PDZRN3: variants seen among roughly 807,000 people sequenced by gnomAD.
PDZRN3 encodes the protein PDZ domain containing ring finger 3.
A neutral mutation model predicts 85.7 loss-of-function variants in PDZRN3; 38 were observed. The ratio of observed to expected loss-of-function variants is 0.44; its 90% CI spans 0.34 to 0.58. PDZRN3 has a LOEUF of 0.58. Ranked by LOEUF, PDZRN3 falls within the 20% of genes least tolerant of loss-of-function variation. The pLI is 0.01. For synonymous variants in PDZRN3, 759 were observed against 638.0 expected (o/e 1.19, Z -2.86); for missense variants, 1,629 against 1,506.4 (o/e 1.08, Z -1.35).
rs909777995 is a variant in PDZRN3, at chr3:73,510,816, G to T, written c.918+91538C>A. 5.3e-5 allele frequency among the ~76,000 whole-genome samples: 8 copies of T among 152,210 alleles called. No individual in the cohort carries two copies. The Middle Eastern group carries it at 0.01, about 194-fold the overall frequency. Reference sequence around the variant, plus strand: ...AATTTATAGATCAGGCACAGTAAGAGATTAACAATAAAATAGACCAATTAA... The same window carrying T: ...AATTTATAGATCAGGCACAGTAAGATATTAACAATAAAATAGACCAATTAA... On this transcript the variant is annotated intron_variant, in intron 3 of 9. Coordinates refer to ENST00000263666, the MANE Select transcript of PDZRN3 (RefSeq NM_015009.3).
intron 3 of PDZRN3, among the ~76,000 whole-genome samples, chr3:73,495,530 G>A (rs901454244): frequency 6.6e-5 from 10 of 151,976 alleles, no homozygotes; most frequent in African/African-American, 2.2e-4. Flanking sequence ...TTTCTTATCC[G>A]TGCGCATATA....
intron 3 of PDZRN3, among the ~76,000 whole-genome samples, chr3:73,479,599 T>C (rs550771593): frequency 6.6e-6 from 1 of 152,320 alleles, no homozygotes; most frequent in South Asian, 2.1e-4. Flanking sequence ...TGCTTCAAAA[T>C]GGTCTTTGTA....
At chr3:73,447,121 G>T (rs1409970097) in intron 3 of PDZRN3, among the ~76,000 whole-genome samples, 3 of 147,884 alleles carry the variant, frequency 2.0e-5, no homozygotes, top group African/African-American at 2.5e-5. Flanking sequence ...ATATAATTTT[G>T]CAATCCATTT....
At chr3:73,433,876 C>G (rs1221876511) in intron 3 of PDZRN3, 5 of 1,431,636 alleles carry the variant, frequency 3.5e-6, no homozygotes, top group Non-Finnish European at 4.6e-6. Flanking sequence ...ACTCTCTCCC[C>G]CCTTCCACGC....
chr3:73,530,665 A>C (rs1704631740), intron 3 of PDZRN3, among the ~76,000 whole-genome samples: 1 of 152,218 alleles, frequency 6.6e-6, no homozygotes, highest in South Asian at 2.1e-4. Context: ...TATTTTTTAA[A>C]GTAAATTTAA....
chr3:73,585,565 AC>A (rs1702265354), intron 3 of PDZRN3, among the ~76,000 whole-genome samples: 1 of 151,922 alleles, frequency 6.6e-6, no homozygotes, highest in African/African-American at 2.4e-5. Context: ...GCACCCCCAC[AC>A]CCCCAGAAAC....
chr3:73,523,620 T>C (rs984065824), intron 3 of PDZRN3, among the ~76,000 whole-genome samples: 2 of 152,162 alleles, frequency 1.3e-5, no homozygotes, highest in African/African-American at 4.8e-5. Context: ...AAATATTTAC[T>C]ACAGCACTTC....
chr3:73,594,055 G>A (rs939586372), intron 3 of PDZRN3: 5 of 152,076 alleles, frequency 3.3e-5, no homozygotes, highest in African/African-American at 1.2e-4. Flanking sequence ...AGTATAAAGT[G>A]ATGTATGTTA....
At chr3:73,505,005 C>T (rs1704045614) in intron 3 of PDZRN3, among the ~76,000 whole-genome samples, 1 of 152,132 alleles carries the variant, frequency 6.6e-6, no homozygotes, top group African/African-American at 2.4e-5. Context: ...TGTAGCAACT[C>T]CAGCAAGTGC....
At chr3:73,429,020 T>C (rs1702376584) in intron 3 of PDZRN3, among the ~76,000 whole-genome samples, 1 of 152,078 alleles carries the variant, frequency 6.6e-6, no homozygotes, top group African/African-American at 2.4e-5. Flanking sequence ...CACCTCAGCC[T>C]CCTGAGTAGC....
intron 3 of PDZRN3, among the ~76,000 whole-genome samples, chr3:73,458,873 C>T (rs1415596502): frequency 2.0e-5 from 3 of 151,484 alleles, no homozygotes. Context: ...ACGCCTGTAG[C>T]CCCAGCTACT....
intron 3 of PDZRN3, among the ~76,000 whole-genome samples, chr3:73,407,025 C>CCCA (rs1464598154): frequency 2.0e-5 from 3 of 152,230 alleles, no homozygotes; most frequent in African/African-American, 7.2e-5. Flanking sequence ...CTATATCTTT[C>CCCA]CCTCTGGGGG....
At chr3:73,433,967 A>C in intron 3 of PDZRN3, 1 of 1,293,186 alleles carries the variant, frequency 7.7e-7, no homozygotes, top group South Asian at 2.5e-5. Context: ...CACGCACACC[A>C]CTCCCTCCTC....
At chr3:73,419,920 T>G (rs1474816028) in intron 3 of PDZRN3, among the ~76,000 whole-genome samples, 1 of 152,222 alleles carries the variant, frequency 6.6e-6, no homozygotes, top group Non-Finnish European at 1.5e-5. Context: ...GTTAACATTT[T>G]TAATGACTTT....
intron 3 of PDZRN3, among the ~76,000 whole-genome samples, chr3:73,585,508 T>C (rs1291640355): frequency 6.6e-6 from 1 of 152,174 alleles, no homozygotes; most frequent in African/African-American, 2.4e-5. Context: ...TGAAGACCTT[T>C]CTCAAGGCCT....
intron 3 of PDZRN3, among the ~76,000 whole-genome samples, chr3:73,475,461 C>T (rs186602662): frequency 2.0e-5 from 3 of 152,340 alleles, no homozygotes; most frequent in South Asian, 2.1e-4. Flanking sequence ...GGTTCCCCCC[C>T]CAACTCTGAA....
chr3:73,455,058 AC>A (rs1264745496), intron 3 of PDZRN3, among the ~76,000 whole-genome samples: 1 of 152,150 alleles, frequency 6.6e-6, no homozygotes, highest in Middle Eastern at 3.2e-3. Context: ...GGAGTATTGA[AC>A]CCTTATCATT....
At chr3:73,610,629 TTATCTTACA>T (rs1702668763) in intron 1 of PDZRN3, among the ~76,000 whole-genome samples, 1 of 152,242 alleles carries the variant, frequency 6.6e-6, no homozygotes, top group Non-Finnish European at 1.5e-5. Context: ...ATTTGGCAAG[TTATCTTACA>T]TATCTTACAT....
chr3:73,387,870 C>G (rs1701430416), intron 8 of PDZRN3, 98 bp downstream of exon 8: 1 of 633,730 alleles, frequency 1.6e-6, no homozygotes, highest in Non-Finnish European at 2.8e-6. Context: ...AAAGCACCTT[C>G]AAGTTCGCAG....
Sources: gnomAD v4.1 joint callset for allele counts (sites outside exome capture counted in the v4.1 genomes callset) on GRCh38, gnomAD v4.1.1 for gene constraint, MANE v1.5 for transcripts, NCBI Gene and HGNC (gene_info 2026-07-23, HGNC 2026-07-21) for gene names.